COL23A1: variants seen among roughly 807,000 people sequenced by gnomAD.
The protein encoded by COL23A1 is collagen alpha-1(XXIII) chain.
Under a neutral mutation model 99.3 loss-of-function variants are expected in COL23A1, and 97 were observed. The ratio of observed to expected loss-of-function variants is 0.98; its 90% confidence interval spans 0.83 to 1.16. The LOEUF is 1.16. Ranked by LOEUF, COL23A1 falls within the 50% of genes most tolerant of loss-of-function variation. The pLI is 0.00. For synonymous variants in COL23A1, 320 were observed against 308.2 expected (o/e 1.04, Z -0.40); for missense variants, 762 against 757.4 (o/e 1.01, Z -0.07).
chr5:178,239,151 C>T lies in COL23A1; in HGVS notation c.1610G>A (p.Cys537Tyr), dbSNP rs754051834. ...VGPDGLPVPG[C>Y]WHK is the part of the protein sequence containing the mutation. ...TTCCCTGCACGGTACCTTATGCCAGCAGCCAGGCACAGGCAGCCCGTCGGG... is the reference window on the plus strand; with the variant it reads ...TTCCCTGCACGGTACCTTATGCCAGTAGCCAGGCACAGGCAGCCCGTCGGG... Residue 537 changes from cysteine (C) to tyrosine (Y), a missense_variant, in exon 28 of 29, where the codon TGC (cysteine) becomes TAC (tyrosine). Physicochemically the swap from Cys to Tyr is radical, Grantham distance 194. Transcript: ENST00000390654. 4 of 1,614,150 alleles carry T rather than the reference C, an allele frequency of 2.5e-6. No individual in the cohort carries two copies. The highest frequency in any genetic ancestry group is 2.5e-6 in the Non-Finnish European group (3 of 1,180,014).
At chr5:178,532,650 G>A (rs1760711072) in intron 2 of COL23A1, among the ~76,000 whole-genome samples, 1 of 152,318 alleles carries the variant, frequency 6.6e-6, no homozygotes, top group Admixed American at 6.5e-5. Flanking sequence ...GTGACTGGGT[G>A]TTGTGTTCCC....
At chr5:178,475,145 A>T (rs549957400) in intron 2 of COL23A1, among the ~76,000 whole-genome samples, 4 of 152,256 alleles carry the variant, frequency 2.6e-5, no homozygotes, top group Non-Finnish European at 5.9e-5. Flanking sequence ...ACCCTAATCC[A>T]GTACAACCTC....
intron 2 of COL23A1, among the ~76,000 whole-genome samples, chr5:178,487,288 T>TTTGTTTTA (rs1554182815): frequency 8.6e-6 from 1 of 116,460 alleles, no homozygotes; most frequent in Admixed American, 8.3e-5. Context: ...CCAGCCTCAG[T>TTTGTTTTA]TTTATTTATT....
At chr5:178,251,421 C>T (rs964661716) in intron 17 of COL23A1, among the ~76,000 whole-genome samples, 14 of 152,180 alleles carry the variant, frequency 9.2e-5, no homozygotes, top group African/African-American at 3.4e-4. Context: ...GGAAAAAAAT[C>T]TCCAAGTATT....
chr5:178,518,176 G>T (rs530605151), intron 2 of COL23A1, among the ~76,000 whole-genome samples: 18 of 140,786 alleles, frequency 1.3e-4, no homozygotes, highest in South Asian at 1.2e-3. Flanking sequence ...AACCCTGAGT[G>T]GACACAGCAC....
intron 12 of COL23A1, among the ~76,000 whole-genome samples, chr5:178,259,245 A>G (rs1438583168): frequency 1.3e-5 from 2 of 151,976 alleles, no homozygotes; most frequent in Admixed American, 1.3e-4. Context: ...TTTTGCTGAG[A>G]CCTGAATGAG....
At chr5:178,556,425 C>T (rs1368648565) in intron 2 of COL23A1, among the ~76,000 whole-genome samples, 1 of 152,012 alleles carries the variant, frequency 6.6e-6, no homozygotes, top group South Asian at 2.1e-4. Flanking sequence ...GAGTTCGAGA[C>T]CAGCCTGGCC....
At position 178,339,971 on chromosome 5, in the gene COL23A1, T is replaced by C. The variant is rs556745545; in HGVS notation, c.362-33052A>G. Among the ~76,000 whole-genome samples, 5 of 152,184 alleles carry C rather than the reference T, an allele frequency of 3.3e-5. No homozygotes were observed. In the East Asian group the frequency reaches 9.6e-4, roughly 29 times the overall value. On this transcript the variant is annotated intron_variant, in intron 2 of 28. Transcript: ENST00000390654. ...CACCTAAAATGTGATTCTGCAACAA[T>C]GACTTATGATTAGGTGGTGGGATGG...
At chr5:178,245,857 G>T in intron 25 of COL23A1, 85 bp downstream of exon 25, 1 of 1,485,582 alleles carries the variant, frequency 6.7e-7, no homozygotes, top group Non-Finnish European at 9.4e-7. Flanking sequence ...GGTCACACTT[G>T]AGTAGCCAGA....
intron 2 of COL23A1, among the ~76,000 whole-genome samples, chr5:178,315,160 G>A (rs1433461945): frequency 1.3e-5 from 2 of 152,160 alleles, no homozygotes; most frequent in Non-Finnish European, 2.9e-5. Flanking sequence ...AGCGGATTTA[G>A]TTAAGCTTTT....
intron 2 of COL23A1, among the ~76,000 whole-genome samples, chr5:178,367,921 G>A (rs1233653627): frequency 6.6e-6 from 1 of 152,206 alleles, no homozygotes; most frequent in Non-Finnish European, 1.5e-5. Context: ...TCCTGGAGGG[G>A]CTCAGGGCTG....
intron 2 of COL23A1, among the ~76,000 whole-genome samples, chr5:178,517,568 G>GTGTTTTTTTT (rs1759600537): frequency 1.8e-5 from 2 of 108,242 alleles, no homozygotes; most frequent in Non-Finnish European, 3.5e-5. Flanking sequence ...TTTTTTTTTT[G>GTGTTTTTTTT]TTTTTTTTTT....
At chr5:178,526,215 TC>T (rs1363340266) in intron 2 of COL23A1, among the ~76,000 whole-genome samples, 1 of 152,128 alleles carries the variant, frequency 6.6e-6, no homozygotes. Context: ...TTCCCATACT[TC>T]CAGTAGTACC....
At chr5:178,257,648 C>T in intron 12 of COL23A1, 81 bp from the exon 13 acceptor site, 2 of 1,385,456 alleles carry the variant, frequency 1.4e-6, no homozygotes, top group East Asian at 2.5e-5. Flanking sequence ...CTTCCCAGCA[C>T]ACCAGTCTGC....
At chr5:178,240,743 G>T (rs1215314431) in intron 27 of COL23A1, among the ~76,000 whole-genome samples, 1 of 152,182 alleles carries the variant, frequency 6.6e-6, no homozygotes, top group Admixed American at 6.5e-5. Context: ...GGACACTGAG[G>T]AACAGAGGCC....
At chr5:178,556,273 A>T (rs868091797) in intron 2 of COL23A1, among the ~76,000 whole-genome samples, 4 of 152,202 alleles carry the variant, frequency 2.6e-5, no homozygotes, top group African/African-American at 4.8e-5. Context: ...ACAATGCGGG[A>T]TAACTGTTGC....
chr5:178,489,209 A>T (rs923144219), intron 2 of COL23A1, among the ~76,000 whole-genome samples: 2 of 152,170 alleles, frequency 1.3e-5, no homozygotes, highest in African/African-American at 4.8e-5. Context: ...GACAAAGCAG[A>T]CAGAAGGGGA....
intron 2 of COL23A1, among the ~76,000 whole-genome samples, chr5:178,348,508 T>C (rs1186651184): frequency 2.0e-5 from 3 of 152,166 alleles, no homozygotes; most frequent in Non-Finnish European, 4.4e-5. Context: ...CAGTCAGGGT[T>C]GGGTGTGTGG....
rs540257876 is a variant in COL23A1 at position 178,280,986 on chromosome 5, CCAAGA to C, written c.441+7333_441+7337del. On this transcript the variant is annotated intron_variant, in intron 5 of 28. Transcript: ENST00000390654. The surrounding 1 kb of genome is among the most constrained non-coding windows in gnomAD (Gnocchi z 4.9). ...GGGACACTGGGGACACAGTGCTGGA[CCAAGA>C]CAAGAGGCTGGACTCAAGAGACTTA... Among the ~76,000 whole-genome samples the C allele has an allele frequency of 2.6e-5, 4 of 152,306 alleles. No homozygotes were observed. The South Asian group carries it at 8.3e-4, about 32-fold the overall frequency.
Sources: gnomAD v4.1 joint callset for allele counts (sites outside exome capture counted in the v4.1 genomes callset) on GRCh38, gnomAD v4.1.1 for gene constraint, Gnocchi (gnomAD v3.1) non-coding constraint, MANE v1.5 for transcripts, NCBI Gene and HGNC (gene_info 2026-07-23, HGNC 2026-07-21) for gene names.